Variants in LRP2 observed in about 807,000 individuals in gnomAD.
The protein encoded by LRP2 is low-density lipoprotein receptor-related protein 2.
LRP2 carries 172 observed loss-of-function variants against 531.0 expected under a neutral mutation model. The observed-to-expected ratio is 0.32, with a 90% CI of 0.29 to 0.37. LRP2 has a LOEUF of 0.37. Among genes scored for constraint, LRP2 ranks in the 10% least tolerant of loss-of-function variants. The pLI is 1.00. For missense variants in LRP2, 5,167 were observed against 5,868.3 expected, an observed-to-expected ratio of 0.88 and a Z score of 3.90; for synonymous variants, 1,992 against 2,027.6, an observed-to-expected ratio of 0.98 and a Z score of 0.47.
At chr2:169,244,601 C>T in intron 22 of LRP2, 92 bp downstream of exon 22, 2 of 1,525,022 alleles carry the variant, frequency 1.3e-6, no homozygotes, top group Non-Finnish European at 1.8e-6. Flanking sequence ...ATGAAAATTG[C>T]ATGAGCCTTA....
rs138583897 is a variant in LRP2, at chr2:169,205,350, T to G, written c.7715+129A>C. On this transcript the variant is annotated intron_variant, in intron 41 of 78. Coordinates refer to ENST00000649046, the MANE Select transcript of LRP2 (RefSeq NM_004525.3). The stretch of plus-strand genomic sequence containing the variant: ...CCAATATAAACATAGTTCCTAAAAC[T>G]GTGATTCTATATTCTGGCAATGTCT... The G allele has an allele frequency of 9.0e-4, 908 of 1,009,796 alleles. 5 individuals carry two copies. The African/African-American group carries it at 0.012, about 14-fold the overall frequency. The allele number at this position is 1,009,796 out of a possible 1,614,324, so 62.6% of individuals were successfully genotyped here.
intron 3 of LRP2, among the ~76,000 whole-genome samples, chr2:169,314,925 G>A (rs950747681): frequency 1.3e-5 from 2 of 151,854 alleles, no homozygotes; most frequent in African/African-American, 2.4e-5. Flanking sequence ...TTTTATTCCC[G>A]AGAAGGCAAG....
In LRP2 at chr2:169,317,513, G is replaced by C. The variant is rs545385218; in HGVS notation, c.310+1249C>G. ...TGGCAGAGCAAAAAAGTGAGAAAAAGCTGGATAATATTTCTGAGCTGGGAA... is the reference window on the plus strand; with the variant it reads ...TGGCAGAGCAAAAAAGTGAGAAAAACCTGGATAATATTTCTGAGCTGGGAA... On this transcript the variant is annotated intron_variant, in intron 3 of 78. Transcript: ENST00000649046. Among the ~76,000 whole-genome samples, 18 of 152,272 alleles carry C rather than the reference G, an allele frequency of 1.2e-4. No individual in the cohort carries two copies. The South Asian group carries it at 1.7e-3, about 14-fold the overall frequency.
At chr2:169,156,866 C>G (rs1199188263) in intron 64 of LRP2, among the ~76,000 whole-genome samples, 1 of 152,164 alleles carries the variant, frequency 6.6e-6, no homozygotes, top group Non-Finnish European at 1.5e-5. Flanking sequence ...CTGACTATGA[C>G]ATATCATGAA....
chr2:169,247,024 AT>A, intron 20 of LRP2, 38 bp from the exon 21 acceptor site: 1 of 1,610,010 alleles, frequency 6.2e-7, no homozygotes. Flanking sequence ...AGTCATGTAC[AT>A]TTTCACTAGG....
rs199710583 is a variant in LRP2, at chr2:169,209,691, C to T, written c.6281-50G>A. The T allele has an allele frequency of 9.6e-5, 150 of 1,555,678 alleles. No homozygotes were observed. The African/African-American group carries it at 1.7e-3, about 18-fold the overall frequency. ...AAAAATGCTGTCACTGAAATTAGAA[C>T]TTTTAAATGTCTGCCCTTCCTCTCA... On this transcript the variant is annotated intron_variant, in intron 37 of 78. Coordinates refer to ENST00000649046, the MANE Select transcript of LRP2 (RefSeq NM_004525.3).
In LRP2 at chr2:169,237,247, A is replaced by G. The variant is rs1457590461; in HGVS notation, c.4547T>C (p.Ile1516Thr). ...GTAAAGATTACGACCTACCCAATCT[A>G]TTGCAATAGTTTCAGTCAAGATGAT... Reference protein sequence around the residue: ...SSIILTETIAIDWVGRNLYWT... With the variant: ...SSIILTETIATDWVGRNLYWT... Residue 1516 changes from isoleucine to threonine, a missense_variant, in exon 28 of 79, where the codon ATA becomes ACA. Physicochemically the swap from Ile to Thr is moderately conservative, Grantham distance 89. This residue lies in a region of LRP2 where 2,811 missense variants were observed against 3,058.0 expected (regional missense o/e 0.92). Transcript: ENST00000649046. 6.2e-6 allele frequency: 10 copies of G among 1,613,800 alleles called. No individual in the cohort carries two copies. The highest frequency in any genetic ancestry group is 1.6e-4 in the Middle Eastern group (1 of 6,080).
chr2:169,322,257 A>T (rs1463257336), intron 1 of LRP2, among the ~76,000 whole-genome samples: 1 of 152,184 alleles, frequency 6.6e-6, no homozygotes, highest in Non-Finnish European at 1.5e-5. Context: ...CATGACATAA[A>T]CATAGTTAAG....
At chr2:169,327,822 G>A (rs112196188) in intron 1 of LRP2, among the ~76,000 whole-genome samples, 1,515 of 87,432 alleles carry the variant, frequency 0.017, 25 homozygotes, top group Non-Finnish European at 0.023. Context: ...CTGCCCGGCC[G>A]CCCCTACTGG....
In LRP2 at chr2:169,129,053, G is replaced by A. The variant is rs1018653307; in HGVS notation, c.13760C>T (p.Ser4587Phe). 1.9e-6 allele frequency: 3 copies of A among 1,612,400 alleles called. No individual in the cohort carries two copies. The African/African-American group carries it at 4.0e-5, about 22-fold the overall frequency. Residue 4587 changes from serine to phenylalanine, a missense_variant, in exon 78 of 79, where the codon TCT becomes TTT. Physicochemically the swap from Ser to Phe is radical, Grantham distance 155 (BLOSUM62 -2). Coordinates refer to ENST00000649046, the MANE Select transcript of LRP2 (RefSeq NM_004525.3). ...ATTTTCAAAGTTGGTAGTTTGTTTA[G>A]ATTTTCGTTTGAAGAGATTCCATTT... The part of the protein sequence containing the change: ...VTKWNLFKRK[S>F]KQTTNFENPI...
At chr2:169,317,385 T>C (rs1684790112) in intron 3 of LRP2, among the ~76,000 whole-genome samples, 1 of 152,176 alleles carries the variant, frequency 6.6e-6, no homozygotes, top group Non-Finnish European at 1.5e-5. Context: ...TATCTATCTA[T>C]TAAGAACCTC....
chr2:169,185,449 T>G, intron 50 of LRP2, 54 bp downstream of exon 50: 1 of 1,566,276 alleles, frequency 6.4e-7, no homozygotes, highest in Non-Finnish European at 8.7e-7. Context: ...GATGAAAACA[T>G]GGTTAGAATT....
chr2:169,173,329 C>G, intron 56 of LRP2, 105 bp from the exon 57 acceptor site: 1 of 1,376,806 alleles, frequency 7.3e-7, no homozygotes. Context: ...GACCATGTTA[C>G]CAAGCAAACC....
chr2:169,257,066 C>T, intron 18 of LRP2, 58 bp downstream of exon 18: 1 of 1,604,770 alleles, frequency 6.2e-7, no homozygotes, highest in East Asian at 2.2e-5. Context: ...CAACCTGCCT[C>T]ATTATGTGTT....
In LRP2 at chr2:169,256,159, C is replaced by T; in HGVS notation, c.2717G>A (p.Arg906Lys). 1 of 1,612,964 alleles carries T rather than the reference C, an allele frequency of 6.2e-7. No homozygotes were observed. Among genetic ancestry groups the T allele is most frequent in the Non-Finnish European group, 8.5e-7 (1 of 1,179,200 alleles). ...TGTCATCTGCTCTATATGGCCCAGTCTTCTTCTGTCTAAACCATCAAAGGT... is the reference window on the plus strand; with the variant it reads ...TGTCATCTGCTCTATATGGCCCAGTTTTCTTCTGTCTAAACCATCAAAGGT... ...HSTFDGLDRR[R>K]LGHIEQMTHP... Residue 906 changes from arginine (R) to lysine (K), a missense_variant, in exon 19 of 79, where the codon AGA becomes AAA. Arg to Lys is a conservative substitution (Grantham distance 26). Transcript: ENST00000649046.
chr2:169,139,596 T>A lies in LRP2; in HGVS notation c.13214A>T (p.Tyr4405Phe). ...CGCCATTTCACAATATTTTCCGGTG[T>A]AGCCGCTAGGACACCTGAAAGGAAA... Reference protein sequence around the residue: ...DLPKCKCPSGYTGKYCEMAFS... With the variant: ...DLPKCKCPSGFTGKYCEMAFS... Residue 4405 changes from tyrosine to phenylalanine, a missense_variant, in exon 73 of 79, where the codon TAC (tyrosine) becomes TTC (phenylalanine). By Grantham distance (22) the Tyr-to-Phe change is conservative. Coordinates refer to ENST00000649046, the MANE Select transcript of LRP2 (RefSeq NM_004525.3). 6.2e-7 allele frequency: 1 copy of A among 1,614,208 alleles called. No homozygotes were observed. The highest frequency in any genetic ancestry group is 1.1e-5 in the South Asian group (1 of 91,086).
intron 51 of LRP2, among the ~76,000 whole-genome samples, chr2:169,181,856 G>T (rs1474105849): frequency 6.6e-6 from 1 of 152,240 alleles, no homozygotes; most frequent in Admixed American, 6.5e-5. Flanking sequence ...CTGGATTTCA[G>T]TGGCTTTGAC....
chr2:169,201,571 T>G, intron 44 of LRP2, 57 bp downstream of exon 44: 1 of 1,609,516 alleles, frequency 6.2e-7, no homozygotes, highest in South Asian at 1.1e-5. Flanking sequence ...TAATTTCATC[T>G]CCTGTGATCC....
chr2:169,326,179 T>C (rs1374486162), intron 1 of LRP2, among the ~76,000 whole-genome samples: 15 of 12,410 alleles, frequency 1.2e-3, no homozygotes, highest in Admixed American at 2.8e-3. Context: ...CCTCCCCCTC[T>C]CCCCTCTCCC....
Sources: allele counts gnomAD v4.1 joint callset (sites outside exome capture counted in the v4.1 genomes callset), GRCh38; gene constraint gnomAD v4.1.1; regional missense constraint gnomAD v4.1.1; transcripts MANE v1.5; gene names NCBI Gene and HGNC (gene_info 2026-07-23, HGNC 2026-07-21).